The following DHX29 variants were observed in gnomAD, a reference collection of about 807,000 sequenced individuals.
DHX29 encodes the protein ATP-dependent RNA helicase DHX29.
In DHX29, 79 loss-of-function variants were observed where a neutral mutation model predicts 167.9. The ratio of observed to expected loss-of-function variants is 0.47; its 90% CI spans 0.39 to 0.57. The LOEUF is 0.57. Ranked by LOEUF, DHX29 falls within the 20% of genes least tolerant of loss-of-function variation. The pLI is 0.00. For synonymous variants in DHX29, 530 were observed against 546.0 expected (o/e 0.97, Z 0.41); for missense variants, 1,347 against 1,593.4 (o/e 0.85, Z 2.63).
At chr5:55,279,318 G>A (rs554453917) in intron 12 of DHX29, among the ~76,000 whole-genome samples, 1 of 152,064 alleles carries the variant, frequency 6.6e-6, no homozygotes, top group South Asian at 2.1e-4. Flanking sequence ...GAAGAGATGA[G>A]AAGGGGCAAG....
chr5:55,283,587 T>A lies in DHX29; in HGVS notation c.1581A>T (p.Leu527Phe). 6.2e-7 allele frequency: 1 copy of A among 1,614,188 alleles called. No homozygotes were observed. Among genetic ancestry groups the A allele is most frequent in the Non-Finnish European group, 8.5e-7 (1 of 1,180,036 alleles). Residue 527 changes from leucine (L) to phenylalanine (F), a missense_variant, in exon 11 of 27, where the codon TTA (leucine) becomes TTT (phenylalanine). Physicochemically the swap from Leu to Phe is conservative, Grantham distance 22 (BLOSUM62 0). Around this residue, in one of 3 missense-constraint regions of DHX29, gnomAD observed 882 missense variants for 1,082.4 expected, o/e 0.81. Transcript: ENST00000251636. ...GTGCAGAAAAATCCTCATCCGAAACTAAATTTTCCCAAGATTCCTCGGGAT... is the reference window on the plus strand; with the variant it reads ...GTGCAGAAAAATCCTCATCCGAAACAAAATTTTCCCAAGATTCCTCGGGAT... ...SEDPEESWEN[L>F]VSDEDFSALS...
At position 55,290,368 on chromosome 5, in the gene DHX29, A is replaced by AG. The variant is rs750722321; in HGVS notation, c.781-25dup. 7.7e-6 allele frequency: 12 copies of AG among 1,555,868 alleles called. No homozygotes were observed. In the Middle Eastern group the frequency reaches 8.4e-4, roughly 108 times the overall value. On this transcript the variant is annotated intron_variant, in intron 6 of 26. Transcript: ENST00000251636. ...TTCTGTTCCAAATAAAACAATGAGG[A>AG]GGGGGAAAAAAAAAGAAGAGCAAGA...
chr5:55,285,439 TA>T, intron 9 of DHX29, 23 bp from the exon 10 acceptor site: 1 of 1,569,886 alleles, frequency 6.4e-7, no homozygotes, highest in Non-Finnish European at 8.6e-7. Flanking sequence ...AAACGCATTT[TA>T]AAAAAATAAA....
At chr5:55,306,954 A>C (rs1748898066) in intron 1 of DHX29, among the ~76,000 whole-genome samples, 1 of 152,138 alleles carries the variant, frequency 6.6e-6, no homozygotes, top group South Asian at 2.1e-4. Flanking sequence ...TTTTTCCAGA[A>C]CGCATGGAGA....
chr5:55,257,064 T>C (rs1384318877), intron 26 of DHX29, among the ~76,000 whole-genome samples: 2 of 151,930 alleles, frequency 1.3e-5, no homozygotes, highest in East Asian at 1.9e-4. Context: ...GAGGTGTCAA[T>C]GCGGAAGTGA....
At position 55,274,982 on chromosome 5, in the gene DHX29, T is replaced by C. The variant is rs1747035217; in HGVS notation, c.2456A>G (p.His819Arg). ...QEYIPVQTGAHADLNPFYQKY... is the reference protein window; with the variant it reads ...QEYIPVQTGARADLNPFYQKY... ...TTGGTAAAATGGATTTAAATCAGCA[T>C]GTGCTCCAGTCTGAACTGGGATGTA... Residue 819 changes from histidine (H) to arginine (R), a missense_variant, in exon 15 of 27, where the codon CAT becomes CGT. Around this residue, in one of 3 missense-constraint regions of DHX29, gnomAD observed 882 missense variants for 1,082.4 expected, o/e 0.81. Transcript: ENST00000251636. The C allele has an allele frequency of 6.2e-7, 1 of 1,613,850 alleles. No individual in the cohort carries two copies. Among genetic ancestry groups the C allele is most frequent in the African/African-American group, 1.3e-5 (1 of 75,020 alleles).
intron 12 of DHX29, 116 bp from the exon 13 acceptor site, chr5:55,277,398 A>G (rs1747172463): frequency 1.6e-6 from 1 of 617,974 alleles, no homozygotes; most frequent in Non-Finnish European, 2.7e-6. Context: ...AAGTACAGTC[A>G]GTACATGTGC....
At chr5:55,274,262 T>C in intron 16 of DHX29, among the ~76,000 whole-genome samples, 1 of 151,852 alleles carries the variant, frequency 6.6e-6, no homozygotes, top group East Asian at 1.9e-4. Context: ...CTGGGCGTAG[T>C]GGTGCACAAC....
At chr5:55,306,361 TCA>T (rs999591982) in intron 1 of DHX29, among the ~76,000 whole-genome samples, 3 of 152,338 alleles carry the variant, frequency 2.0e-5, no homozygotes, top group Admixed American at 6.5e-5. Flanking sequence ...CTGCCATGCT[TCA>T]CAGAGTTAAC....
chr5:55,273,367 T>C lies in DHX29; in HGVS notation c.2701A>G (p.Ile901Val). ...GTTGAAAGAATAGAATGCAGAGCTA[T>C]CACTTTATATCTGAAAGTTAAAATC... ...RRFYSERYKV[I>V]ALHSILSTQD... The change falls in exon 17 of 27, where the codon ATA becomes GTA. Residue 901 changes from isoleucine (I) to valine (V), a missense_variant. By Grantham distance (29) the Ile-to-Val change is conservative. This residue lies in a region of DHX29 where 882 missense variants were observed against 1,082.4 expected (regional missense o/e 0.81). Transcript: ENST00000251636. 6.4e-7 allele frequency: 1 copy of C among 1,570,948 alleles called. No individual in the cohort carries two copies. Among genetic ancestry groups the C allele is most frequent in the Non-Finnish European group, 8.7e-7 (1 of 1,152,760 alleles).
chr5:55,303,817 T>C (rs552741473), intron 1 of DHX29, among the ~76,000 whole-genome samples: 55 of 152,324 alleles, frequency 3.6e-4, no homozygotes, highest in Non-Finnish European at 6.2e-4. Flanking sequence ...AGACCCTCCA[T>C]TCTCCATTTA....
intron 26 of DHX29, among the ~76,000 whole-genome samples, chr5:55,258,255 A>G (rs1357575290): frequency 1.3e-5 from 2 of 152,240 alleles, no homozygotes; most frequent in African/African-American, 2.4e-5. Flanking sequence ...TATTCTAATC[A>G]TACCTCCAAA....
intron 16 of DHX29, among the ~76,000 whole-genome samples, chr5:55,273,670 C>T (rs1259806630): frequency 1.3e-5 from 2 of 152,138 alleles, no homozygotes; most frequent in Non-Finnish European, 2.9e-5. Flanking sequence ...ATATAGTAAA[C>T]AGCTGATTAA....
At chr5:55,303,351 C>T (rs1041715989) in intron 1 of DHX29, among the ~76,000 whole-genome samples, 5 of 152,130 alleles carry the variant, frequency 3.3e-5, no homozygotes, top group Admixed American at 2.6e-4. Flanking sequence ...GACCCAGTGC[C>T]TGTCCTCATG....
At chr5:55,279,545 T>C (rs1212860034) in intron 12 of DHX29, 2 of 152,170 alleles carry the variant, frequency 1.3e-5, no homozygotes, top group Admixed American at 1.3e-4. Context: ...TCTCGCTCTG[T>C]TGACCAGGCT....
chr5:55,301,161 G>C (rs974819105), intron 1 of DHX29, among the ~76,000 whole-genome samples: 2 of 152,130 alleles, frequency 1.3e-5, no homozygotes, highest in Admixed American at 1.3e-4. Context: ...CTGGGGGTAA[G>C]GGTCTCAACA....
At chr5:55,289,758 T>A (rs116041169) in intron 7 of DHX29, among the ~76,000 whole-genome samples, 218 of 152,306 alleles carry the variant, frequency 1.4e-3, no homozygotes, top group Admixed American at 3.9e-3. Context: ...GTATTCACCT[T>A]TCTCTCTTGA....
intron 1 of DHX29, among the ~76,000 whole-genome samples, chr5:55,303,029 T>C (rs1362770312): frequency 6.6e-6 from 1 of 152,060 alleles, no homozygotes; most frequent in Non-Finnish European, 1.5e-5. Flanking sequence ...ATGCAACATA[T>C]ATAGCTGGCT....
intron 16 of DHX29, among the ~76,000 whole-genome samples, chr5:55,274,086 CAAAAAA>C (rs201970753): frequency 1.4e-5 from 1 of 73,788 alleles, no homozygotes; most frequent in Admixed American, 1.3e-4. Flanking sequence ...GACTCTGCCT[CAAAAAA>C]AAAAAAAAAA....
Sources: gnomAD v4.1 joint callset for allele counts (sites outside exome capture counted in the v4.1 genomes callset) on GRCh38, gnomAD v4.1.1 for gene constraint, gnomAD v4.1.1 regional missense constraint, MANE v1.5 for transcripts, NCBI Gene and HGNC (gene_info 2026-07-23, HGNC 2026-07-21) for gene names.